TRPC5: variants seen among roughly 807,000 people sequenced by gnomAD.
TRPC5 encodes transient receptor potential cation channel subfamily C member 5.
In TRPC5, 9 loss-of-function variants were observed where a neutral mutation model predicts 56.5. That is an observed-to-expected ratio of 0.16 (90% CI 0.10 to 0.28). The LOEUF is 0.28. TRPC5 is among the 10% of genes least tolerant of loss of function. The pLI is 1.00. For missense variants in TRPC5, 469 were observed against 748.9 expected, an observed-to-expected ratio of 0.63 and a Z score of 4.36; for synonymous variants, 282 against 278.5, an observed-to-expected ratio of 1.01 and a Z score of -0.13.
intron 1 of TRPC5, among the ~76,000 whole-genome samples, chrX:111,979,366 G>A (rs1928017841): frequency 9.0e-6 from 1 of 111,135 alleles, no homozygotes; most frequent in Non-Finnish European, 1.9e-5. Flanking sequence ...AATCATAAAT[G>A]ACTAGAATAA....
chrX:111,927,813 AC>A (rs1486402102), intron 2 of TRPC5, among the ~76,000 whole-genome samples: 1 of 94,478 alleles, frequency 1.1e-5, no homozygotes, highest in Non-Finnish European at 2.0e-5. Flanking sequence ...ATGATGGGAA[AC>A]TTTTTTTTTT....
chrX:111,944,304 G>GTGTGTGTGAA (rs1556592186), intron 2 of TRPC5, among the ~76,000 whole-genome samples: 13 of 70,232 alleles, frequency 1.9e-4, no homozygotes, highest in African/African-American at 2.7e-4. Context: ...GTGTGTGTGT[G>GTGTGTGTGAA]AGAGAGAGAG....
At chrX:111,992,689 G>T (rs1928391584) in intron 1 of TRPC5, among the ~76,000 whole-genome samples, 1 of 109,080 alleles carries the variant, frequency 9.2e-6, no homozygotes, top group South Asian at 4.0e-4. Context: ...TGTAACTTCT[G>T]ACTCCCGGGC....
At chrX:111,815,220 A>C (rs1001170762) in intron 7 of TRPC5, among the ~76,000 whole-genome samples, 1 of 111,327 alleles carries the variant, frequency 9.0e-6, no homozygotes, top group Admixed American at 9.6e-5. Context: ...TGTTTACATC[A>C]GTGGTTCTCA....
At chrX:111,928,850 G>A (rs1327893424) in intron 2 of TRPC5, among the ~76,000 whole-genome samples, 1 of 112,192 alleles carries the variant, frequency 8.9e-6, no homozygotes, top group African/African-American at 3.2e-5. Context: ...AGAAAGCAAA[G>A]ACAGTTTACA....
At chrX:111,888,326 G>A (rs1924604077) in intron 3 of TRPC5, among the ~76,000 whole-genome samples, 1 of 110,082 alleles carries the variant, frequency 9.1e-6, no homozygotes, top group South Asian at 3.9e-4. Context: ...GTTTTAAATG[G>A]AGGAGTGACA....
intron 3 of TRPC5, among the ~76,000 whole-genome samples, chrX:111,878,602 C>G (rs977208195): frequency 9.0e-6 from 1 of 111,493 alleles, no homozygotes; most frequent in African/African-American, 3.3e-5. Flanking sequence ...TAGTATTTCC[C>G]CAGCCTCTAC....
At chrX:112,056,855 G>T (rs924867118) in intron 1 of TRPC5, among the ~76,000 whole-genome samples, 2 of 112,263 alleles carry the variant, frequency 1.8e-5, no homozygotes, top group Non-Finnish European at 3.8e-5. Context: ...CCATTGAGTG[G>T]CAATTTCAAT....
intron 1 of TRPC5, among the ~76,000 whole-genome samples, chrX:111,996,139 C>G (rs1010950934): frequency 4.5e-5 from 5 of 112,126 alleles, no homozygotes; most frequent in African/African-American, 1.6e-4. Context: ...AAATTTCCCT[C>G]TACACACTGC....
At chrX:111,811,487 T>G (rs750890084) in intron 7 of TRPC5, among the ~76,000 whole-genome samples, 3 of 112,387 alleles carry the variant, frequency 2.7e-5, no homozygotes, top group African/African-American at 9.7e-5. Flanking sequence ...AAATTTGCCA[T>G]GGGATACAGT....
At chrX:111,875,308 T>G (rs1434201010) in intron 3 of TRPC5, among the ~76,000 whole-genome samples, 1 of 111,778 alleles carries the variant, frequency 8.9e-6, no homozygotes, top group African/African-American at 3.3e-5. Flanking sequence ...TTTGTCTGTT[T>G]CTTATTCTTG....
At chrX:111,799,687 G>C (rs1921240029) in intron 7 of TRPC5, among the ~76,000 whole-genome samples, 1 of 111,414 alleles carries the variant, frequency 9.0e-6, no homozygotes, top group African/African-American at 3.3e-5. Context: ...AGAGAAAACT[G>C]TGCCTAGATA....
At chrX:111,985,884 T>A (rs1160771614) in intron 1 of TRPC5, among the ~76,000 whole-genome samples, 1 of 111,735 alleles carries the variant, frequency 8.9e-6, no homozygotes, top group Non-Finnish European at 1.9e-5. Flanking sequence ...ACTTGGCCCC[T>A]GCCACACCAG....
At chrX:111,981,462 A>C (rs1048959467) in intron 1 of TRPC5, among the ~76,000 whole-genome samples, 2 of 111,895 alleles carry the variant, frequency 1.8e-5, no homozygotes, top group African/African-American at 6.5e-5. Flanking sequence ...ACCTGCACAG[A>C]CACACCCAGA....
chrX:111,884,339 A>G (rs1462686952), intron 3 of TRPC5, among the ~76,000 whole-genome samples: 1 of 112,550 alleles, frequency 8.9e-6, no homozygotes, highest in Non-Finnish European at 1.9e-5. Flanking sequence ...TTAATCAGAA[A>G]CTAGTTAAGG....
intron 7 of TRPC5, among the ~76,000 whole-genome samples, chrX:111,787,354 T>C (rs1477231844): frequency 1.2e-4 from 13 of 111,120 alleles, no homozygotes; most frequent in Non-Finnish European, 2.1e-4. Flanking sequence ...TTCTTTGAAA[T>C]CAATGAGAAC....
chrX:111,944,756 G>A (rs1302942930), intron 2 of TRPC5, among the ~76,000 whole-genome samples: 1 of 111,463 alleles, frequency 9.0e-6, no homozygotes, highest in Non-Finnish European at 1.9e-5. Flanking sequence ...AACAGAGGCA[G>A]AGATTGTAGT....
intron 1 of TRPC5, among the ~76,000 whole-genome samples, chrX:112,027,550 A>G (rs1008120635): frequency 2.7e-5 from 3 of 110,900 alleles, no homozygotes; most frequent in African/African-American, 6.6e-5. Context: ...AGGCTGGAGT[A>G]CAGTGGCGCG....
intron 1 of TRPC5, among the ~76,000 whole-genome samples, chrX:112,038,228 C>T (rs1371749908): frequency 8.9e-6 from 1 of 111,746 alleles, no homozygotes; most frequent in Non-Finnish European, 1.9e-5. Flanking sequence ...AAATTTACGT[C>T]GTTACATTTC....
Sources: gnomAD v4.1 joint callset for allele counts (sites outside exome capture counted in the v4.1 genomes callset) on GRCh38, gnomAD v4.1.1 for gene constraint, MANE v1.5 for transcripts, NCBI Gene and HGNC (gene_info 2026-07-23, HGNC 2026-07-21) for gene names.